The following TSPAN11 variants were observed in gnomAD, a reference collection of about 807,000 sequenced individuals.
TSPAN11 encodes tetraspanin 11, also known as tetraspanin-11.
Under a neutral mutation model 32.9 loss-of-function variants are expected in TSPAN11, and 29 were observed. The observed-to-expected ratio is 0.88, with a 90% CI of 0.66 to 1.20. TSPAN11 has a LOEUF of 1.20. Among genes scored for constraint, TSPAN11 ranks in the 50% most tolerant of loss-of-function variants. The probability of loss-of-function intolerance (pLI) is 0.00; values close to 1 mark genes in which losing one functional copy is unlikely to be tolerated. For missense variants in TSPAN11, 283 were observed against 329.1 expected (o/e 0.86, Z 1.08); for synonymous variants, 140 against 141.3 (o/e 0.99, Z 0.07).
At chr12:30,951,408 C>T (rs1938378428) in intron 1 of TSPAN11, among the ~76,000 whole-genome samples, 1 of 152,234 alleles carries the variant, frequency 6.6e-6, no homozygotes, top group Non-Finnish European at 1.5e-5. Flanking sequence ...TCCCCTTCCT[C>T]CTTTGCCCTG....
chr12:31,011,066 G>A, the TSPAN11 span, among the ~76,000 whole-genome samples: 1 of 152,182 alleles, frequency 6.6e-6, no homozygotes, highest in Non-Finnish European at 1.5e-5. Context: ...AAGATCTGAG[G>A]AATAAATTTG....
At chr12:31,000,901 T>C (rs938663641), downstream of TSPAN11, among the ~76,000 whole-genome samples, 3 of 152,216 alleles carry the variant, frequency 2.0e-5, no homozygotes, top group African/African-American at 7.2e-5. Context: ...ATAGCAAAAA[T>C]GCTGCCTCTC....
chr12:30,941,566 G>T (rs1277192560), intron 1 of TSPAN11, among the ~76,000 whole-genome samples: 1 of 152,234 alleles, frequency 6.6e-6, no homozygotes, highest in East Asian at 1.9e-4. Flanking sequence ...ACAGAACTGG[G>T]ACTAGAGCCC....
intron 1 of TSPAN11, among the ~76,000 whole-genome samples, chr12:30,943,862 A>G (rs1387742028): frequency 1.3e-5 from 2 of 152,242 alleles, no homozygotes; most frequent in African/African-American, 2.4e-5. Flanking sequence ...GGCTGTTGGC[A>G]TGGGGTGTGG....
At chr12:30,938,394 A>G (rs1249966327) in intron 1 of TSPAN11, among the ~76,000 whole-genome samples, 1 of 152,162 alleles carries the variant, frequency 6.6e-6, no homozygotes, top group Non-Finnish European at 1.5e-5. Context: ...GGTAACTTCC[A>G]ATAAACATCA....
At chr12:30,942,911 C>G (rs1938196166) in intron 1 of TSPAN11, among the ~76,000 whole-genome samples, 1 of 152,202 alleles carries the variant, frequency 6.6e-6, no homozygotes, top group South Asian at 2.1e-4. Flanking sequence ...AATTCATTTA[C>G]CTGCACACAA....
At chr12:31,000,352 G>A (rs112426505), downstream of TSPAN11, among the ~76,000 whole-genome samples, 37 of 152,218 alleles carry the variant, frequency 2.4e-4, no homozygotes, top group Non-Finnish European at 3.7e-4. Flanking sequence ...CTGTATCCCC[G>A]GCTTTCAGCC....
intron 1 of TSPAN11, among the ~76,000 whole-genome samples, chr12:30,945,001 C>G (rs1938238828): frequency 6.6e-6 from 1 of 152,194 alleles, no homozygotes; most frequent in Non-Finnish European, 1.5e-5. Context: ...CTGTTCCAGG[C>G]CCTAACCCGA....
intron 1 of TSPAN11, among the ~76,000 whole-genome samples, chr12:30,939,711 A>G (rs1450905700): frequency 6.6e-6 from 1 of 152,118 alleles, no homozygotes; most frequent in Non-Finnish European, 1.5e-5. Flanking sequence ...CAAAGGCAAG[A>G]AAAAGAGGGC....
At chr12:31,016,331 C>T in the TSPAN11 span, among the ~76,000 whole-genome samples, 29 of 152,182 alleles carry the variant, frequency 1.9e-4, no homozygotes, top group East Asian at 3.7e-3. Context: ...TGGCTGGTGG[C>T]GACAGCTGCA....
rs1938954655 is a variant in TSPAN11, at chr12:30,975,668, CAATAGT to C, written c.277-2890_277-2885del. 6.6e-6 allele frequency among the ~76,000 whole-genome samples: 1 copy of C among 152,044 alleles called. No homozygotes were observed. The highest frequency in any genetic ancestry group is 2.1e-4 in the South Asian group (1 of 4,790). ...TCCTCCCTGTTCCCCACCCCGTCTT[CAATAGT>C]AACTGGGGCAGTGGCTTCCCCCGAG... On this transcript the variant is annotated intron_variant, in intron 3 of 7. Transcript: ENST00000546076. The surrounding 1 kb of genome is among the most constrained non-coding windows in gnomAD (Gnocchi z 4.5).
rs140302182 is a variant in TSPAN11, at chr12:30,989,840, G to A, written c.703-2016G>A. 3.2e-3 allele frequency among the ~76,000 whole-genome samples: 495 copies of A among 152,308 alleles called. 3 individuals carry two copies. Among genetic ancestry groups the A allele is most frequent in the African/African-American group, 0.011 (475 of 41,566 alleles). Reference sequence around the variant, plus strand: ...AAGCCTCAGAGGAAGCTGAAGGCAGGACGGCCTCCCTGTTAAAAATGTCCC... The same window carrying A: ...AAGCCTCAGAGGAAGCTGAAGGCAGAACGGCCTCCCTGTTAAAAATGTCCC... On this transcript the variant is annotated intron_variant, in intron 7 of 7. Coordinates refer to ENST00000546076, the MANE Select transcript of TSPAN11 (RefSeq NM_001370302.1).
At chr12:30,950,516 GGAT>G (rs1308291753) in intron 1 of TSPAN11, among the ~76,000 whole-genome samples, 2 of 152,156 alleles carry the variant, frequency 1.3e-5, no homozygotes, top group African/African-American at 4.8e-5. Flanking sequence ...CCTCAGCATG[GGAT>G]GCTCTCACAC....
chr12:30,970,761 G>A (rs907704823), intron 3 of TSPAN11, among the ~76,000 whole-genome samples: 1 of 152,186 alleles, frequency 6.6e-6, no homozygotes, highest in Non-Finnish European at 1.5e-5. Flanking sequence ...GGGGCCAGGA[G>A]GGGTAGAGGT....
chr12:30,978,162 T>C (rs144639316), intron 3 of TSPAN11: 79 of 183,402 alleles, frequency 4.3e-4, no homozygotes, highest in African/African-American at 1.8e-3. Flanking sequence ...AAGCCTTCTC[T>C]GACTGCCCAC....
At chr12:30,935,387 T>G (rs1424551777) in intron 1 of TSPAN11, among the ~76,000 whole-genome samples, 3 of 148,688 alleles carry the variant, frequency 2.0e-5, no homozygotes, top group Non-Finnish European at 4.5e-5. Flanking sequence ...TTTTTTTTTT[T>G]TTTTTTTTTT....
intron 1 of TSPAN11, among the ~76,000 whole-genome samples, chr12:30,933,956 C>T (rs750188071): frequency 6.6e-6 from 1 of 152,134 alleles, no homozygotes; most frequent in Non-Finnish European, 1.5e-5. Flanking sequence ...GAACACACAC[C>T]GGGGCCCCCA....
At chr12:30,971,433 A>G (rs10771787) in intron 3 of TSPAN11, among the ~76,000 whole-genome samples, 47,473 of 152,074 alleles carry the variant, frequency 0.31, 8,086 homozygotes, top group Non-Finnish European at 0.38. Flanking sequence ...CCCGCAAGCG[A>G]TGTTAAGTCC....
intron 1 of TSPAN11, among the ~76,000 whole-genome samples, chr12:30,937,169 G>A (rs1938062053): frequency 6.6e-6 from 1 of 152,194 alleles, no homozygotes; most frequent in South Asian, 2.1e-4. Flanking sequence ...AGTGACTTTG[G>A]GTTAAGTGGG....
Sources: allele counts gnomAD v4.1 joint callset (sites outside exome capture counted in the v4.1 genomes callset), GRCh38; gene constraint gnomAD v4.1.1; non-coding constraint Gnocchi (gnomAD v3.1); transcripts MANE v1.5; gene names NCBI Gene and HGNC (gene_info 2026-07-23, HGNC 2026-07-21).